Variants in ADGRD2 observed in about 807,000 individuals in gnomAD.
ADGRD2 encodes the protein adhesion G protein-coupled receptor D2.
A neutral mutation model predicts 44.4 loss-of-function variants in ADGRD2; 71 were observed. The observed-to-expected ratio is 1.60, with a 90% CI of 1.32 to 1.95. The LOEUF is 1.95. Ranked by LOEUF, ADGRD2 falls within the 30% of genes most tolerant of loss-of-function variation. The probability of loss-of-function intolerance (pLI) is 0.00; values close to 1 mark genes in which losing one functional copy is unlikely to be tolerated. For synonymous variants in ADGRD2, 481 were observed against 224.8 expected (o/e 2.14, Z -10.19); for missense variants, 1,039 against 512.4 (o/e 2.03, Z -9.92).
Position 124,453,029 on chromosome 9 carries a change from C to A in ADGRD2, c.282-6C>A. On this transcript the variant is annotated splice_region_variant and splice_polypyrimidine_tract_variant and intron_variant, in intron 2 of 21. Coordinates refer to ENST00000334810, the Ensembl canonical transcript of ADGRD2. ...AACTGAGGTCGCAGCCCACGTGTCC[C>A]TGCAGGTGCGCGCACCACCGCCGTG... 1 of 654,172 alleles carries A rather than the reference C, an allele frequency of 1.5e-6. No homozygotes were observed. The highest frequency in any genetic ancestry group is 2.8e-6 in the Non-Finnish European group (1 of 361,580). 40.5% of individuals were successfully genotyped at this position (654,172 alleles called of 1,614,324 possible).
At chr9:124,476,754 T>C in intron 21 of ADGRD2, 45 bp downstream of exon 24, 1 of 686,950 alleles carries the variant, frequency 1.5e-6, no homozygotes, top group East Asian at 2.7e-5. Context: ...TTTTTGGGCC[T>C]GGACACCCCC....
chr9:124,457,881 AT>A (rs1831647838), intron 8 of ADGRD2, among the ~76,000 whole-genome samples: 2 of 151,996 alleles, frequency 1.3e-5, no homozygotes, highest in Non-Finnish European at 2.9e-5. Context: ...GGGGTGGGGG[AT>A]TAGGGCAAGG....
At chr9:124,467,403 C>A in intron 11 of ADGRD2, 1 of 313,220 alleles carries the variant, frequency 3.2e-6, no homozygotes, top group African/African-American at 2.1e-5. Context: ...TGAGTATCAT[C>A]CGCAGCCCCA....
intron 10 of ADGRD2, 113 bp from the exon 14 acceptor site, chr9:124,466,145 G>A (rs976232324): frequency 2.1e-5 from 10 of 469,982 alleles, no homozygotes; most frequent in East Asian, 1.0e-4. Context: ...GCGGTGACTC[G>A]CCAAGGTCAC....
Position 124,454,836 on chromosome 9 carries a change from T to C in ADGRD2, c.1109-7T>C, listed in dbSNP as rs1241628418. On this transcript the variant is annotated splice_polypyrimidine_tract_variant and splice_region_variant and intron_variant, in intron 5 of 21. Transcript: ENST00000334810. This position sits in a 1 kb window ranked among gnomAD's most constrained non-coding sequence, Gnocchi z 4.5. ...AGACCCAGAGTCAGTGGCTCCTCTG[T>C]CCACAGCTCCTCCCGGACCCCCTCT... is the stretch of plus-strand genomic sequence containing the variant. The C allele has an allele frequency of 1.4e-6, 1 of 690,930 alleles. No individual in the cohort carries two copies. The highest frequency in any genetic ancestry group is 2.7e-6 in the Non-Finnish European group (1 of 375,316). 42.8% of individuals were successfully genotyped at this position (690,930 alleles called of 1,614,324 possible). A position where few individuals can be genotyped will look rare whatever the true frequency, so the allele number is the denominator to read the frequency against.
chr9:124,472,585 T>C (rs895230536), intron 17 of ADGRD2, among the ~76,000 whole-genome samples: 23 of 152,138 alleles, frequency 1.5e-4, no homozygotes, highest in Admixed American at 6.6e-4. Flanking sequence ...TGGCTCACTG[T>C]AACCTCTGAC....
At chr9:124,460,388 A>ATATATTT (rs33991643) in intron 10 of ADGRD2, among the ~76,000 whole-genome samples, 6 of 145,154 alleles carry the variant, frequency 4.1e-5, no homozygotes, top group South Asian at 2.2e-4. Flanking sequence ...ATATATATAT[A>ATATATTT]TTTTTTTTTA....
rs769458357 is a variant in ADGRD2, at chr9:124,458,252, C to G, written c.1764+16C>G. 2.6e-4 allele frequency: 186 copies of G among 718,030 alleles called. No individual in the cohort carries two copies. The highest frequency in any genetic ancestry group is 6.8e-5 in the Non-Finnish European group (26 of 385,000). 44.5% of individuals were successfully genotyped at this position (718,030 alleles called of 1,614,324 possible). On this transcript the variant is annotated intron_variant, in intron 9 of 21. Coordinates refer to ENST00000334810, the Ensembl canonical transcript of ADGRD2. ...GGGTGCAGAGGTGAGTAGGCGCCAC[C>G]TGGAGGGCTGTGAGGGCCTGTGTCC... is the stretch of plus-strand genomic sequence containing the variant.
At chr9:124,462,890 CCTTCCTTT>C (rs1831746652) in intron 10 of ADGRD2, among the ~76,000 whole-genome samples, 1 of 144,160 alleles carries the variant, frequency 6.9e-6, no homozygotes, top group African/African-American at 2.9e-5. Context: ...TTTCTTCCTT[CCTTCCTTT>C]CTTCCTTCCT....
At chr9:124,465,865 G>A (rs570737428) in intron 10 of ADGRD2, 1 of 156,708 alleles carries the variant, frequency 6.4e-6, no homozygotes, top group Admixed American at 6.5e-5. Flanking sequence ...ACTCTGTGAG[G>A]TGCCTAGGAA....
chr9:124,456,438 C>T (rs1831618011), intron 6 of ADGRD2, among the ~76,000 whole-genome samples, 184 bp from the exon 10 acceptor site: 1 of 152,176 alleles, frequency 6.6e-6, no homozygotes, highest in African/African-American at 2.4e-5. Context: ...GAGGCTGGGG[C>T]AGGCAGGGCT....
intron 10 of ADGRD2, among the ~76,000 whole-genome samples, chr9:124,462,942 T>C (rs1478043781): frequency 8.6e-5 from 13 of 151,690 alleles, no homozygotes; most frequent in Admixed American, 5.9e-4. Context: ...TCTTTCTCTC[T>C]CTCTCCTTCC....
intron 12 of ADGRD2, 118 bp downstream of exon 15, chr9:124,467,942 T>C: frequency 1.4e-6 from 1 of 699,874 alleles, no homozygotes; most frequent in Admixed American, 2.0e-5. Context: ...GGTCTGAGCC[T>C]CTCCTTAGGA....
upstream of ADGRD2, chr9:124,451,386 T>A (rs766517300): frequency 1.0e-4 from 39 of 374,922 alleles, no homozygotes; most frequent in Non-Finnish European, 1.5e-4. Context: ...GGCGACAGTG[T>A]TTCCCTGCTT....
At chr9:124,462,673 T>C (rs1033363924) in intron 10 of ADGRD2, among the ~76,000 whole-genome samples, 2 of 152,182 alleles carry the variant, frequency 1.3e-5, no homozygotes, top group African/African-American at 4.8e-5. Context: ...CCGGAAATGA[T>C]ATTGTTTTCT....
rs114555516 is a variant in ADGRD2 at position 124,452,311 on chromosome 9, T to C, written c.68+153T>C. 7.5e-3 allele frequency: 4,741 copies of C among 635,898 alleles called. 159 individuals are homozygous for C. The African/African-American group carries it at 0.076, about 10-fold the overall frequency. The allele number at this position is 635,898 out of a possible 1,614,324, so 39.4% of individuals were successfully genotyped here. A position where few individuals can be genotyped will look rare whatever the true frequency, so the allele number is the denominator to read the frequency against. ...GCCCTGCGAGGAACGCTTCACTGGTTTCCGTCTCATTCCTGCCATTGCGCA... is the reference window on the plus strand; with the variant it reads ...GCCCTGCGAGGAACGCTTCACTGGTCTCCGTCTCATTCCTGCCATTGCGCA... On this transcript the variant is annotated intron_variant, in intron 1 of 21. Coordinates refer to ENST00000334810, the Ensembl canonical transcript of ADGRD2.
chr9:124,474,371 C>A (rs1052573552), intron 17 of ADGRD2, among the ~76,000 whole-genome samples: 2 of 150,310 alleles, frequency 1.3e-5, no homozygotes, highest in African/African-American at 4.9e-5. Context: ...TTCTTGGGTT[C>A]GCATTTGGAA....
chr9:124,471,888 G>C (rs1419103273), intron 17 of ADGRD2, among the ~76,000 whole-genome samples: 1 of 152,214 alleles, frequency 6.6e-6, no homozygotes, highest in Non-Finnish European at 1.5e-5. Context: ...TTCAGTGAGG[G>C]GACGAGGCAG....
chr9:124,456,410 G>C (rs1271765462), intron 6 of ADGRD2, among the ~76,000 whole-genome samples: 1 of 152,214 alleles, frequency 6.6e-6, no homozygotes, highest in Non-Finnish European at 1.5e-5. Flanking sequence ...TTGGGAGATA[G>C]AATTGGATAG....
Sources: allele counts gnomAD v4.1 joint callset (sites outside exome capture counted in the v4.1 genomes callset), GRCh38; gene constraint gnomAD v4.1.1; non-coding constraint Gnocchi (gnomAD v3.1); transcripts MANE v1.5; gene names NCBI Gene and HGNC (gene_info 2026-07-23, HGNC 2026-07-21).